Variants in NDRG1 observed in about 807,000 individuals in gnomAD.
NDRG1 encodes N-myc downstream regulated 1.
A neutral mutation model predicts 56.9 loss-of-function variants in NDRG1; 32 were observed. That is an observed-to-expected ratio of 0.56 (90% confidence interval 0.42 to 0.76). NDRG1 has a LOEUF of 0.76. Ranked by LOEUF, NDRG1 falls within the 30% of genes least tolerant of loss-of-function variation. NDRG1 has a pLI of 0.00. For missense variants in NDRG1, 507 were observed against 545.7 expected, an observed-to-expected ratio of 0.93 and a Z score of 0.71; for synonymous variants, 211 against 204.1, an observed-to-expected ratio of 1.03 and a Z score of -0.29.
chr8:133,240,607 T>G lies in NDRG1; in HGVS notation c.943+1416A>C, dbSNP rs1005600166. 6 of 152,368 alleles carry G rather than the reference T, an allele frequency of 3.9e-5. No individual in the cohort carries two copies. The Middle Eastern group carries it at 0.017, about 432-fold the overall frequency. 9.4% of individuals were successfully genotyped at this position (152,368 alleles called of 1,614,324 possible). On this transcript the variant is annotated intron_variant, in intron 15 of 15. Coordinates refer to ENST00000323851, the MANE Select transcript of NDRG1 (RefSeq NM_006096.4). The stretch of plus-strand genomic sequence containing the variant: ...CACCCCGTGGTGTGCAGAAGGCCAG[T>G]GACCGGTTCCTTTCCTTCTCTTTGG...
At chr8:133,262,864 G>T (rs1000341477) in intron 4 of NDRG1, among the ~76,000 whole-genome samples, 18 of 152,102 alleles carry the variant, frequency 1.2e-4, no homozygotes, top group Admixed American at 1.2e-3. Context: ...TCATCTACCT[G>T]CCAGAAGCAC....
intron 10 of NDRG1, 92 bp from the exon 11 acceptor site, chr8:133,248,863 T>C (rs1855849996): frequency 7.0e-7 from 1 of 1,421,994 alleles, no homozygotes; most frequent in African/African-American, 1.4e-5. Context: ...GTCCTGCCAG[T>C]GGCCATTCTG....
chr8:133,295,544 A>C (rs150454494), intron 1 of NDRG1, among the ~76,000 whole-genome samples: 61 of 152,344 alleles, frequency 4.0e-4, no homozygotes, highest in African/African-American at 1.5e-3. Context: ...CCCCACCAGA[A>C]GGCAGCCCTT....
chr8:133,246,286 T>C (rs1855674990), intron 13 of NDRG1, among the ~76,000 whole-genome samples: 1 of 152,188 alleles, frequency 6.6e-6, no homozygotes, highest in African/African-American at 2.4e-5. Context: ...TCTCTTCTTA[T>C]TGTGACAAGC....
intron 12 of NDRG1, 95 bp downstream of exon 12, chr8:133,247,780 A>G: frequency 7.8e-7 from 1 of 1,284,236 alleles, no homozygotes; most frequent in Non-Finnish European, 1.1e-6. Flanking sequence ...CTGATGGGGC[A>G]GAGGAGAGGA....
intron 4 of NDRG1, among the ~76,000 whole-genome samples, chr8:133,264,076 T>A (rs1856789492): frequency 6.6e-6 from 1 of 151,476 alleles, no homozygotes; most frequent in South Asian, 2.1e-4. Flanking sequence ...AGAAGCCAGT[T>A]ACCAAAAAAA....
At position 133,237,323 on chromosome 8, in the gene NDRG1, C is replaced by A. The variant is rs1417809416; in HGVS notation, c.*1555G>T. 4.3e-6 allele frequency: 1 copy of A among 231,952 alleles called. No individual in the cohort carries two copies. Among genetic ancestry groups the A allele is most frequent in the African/African-American group, 2.2e-5 (1 of 45,248 alleles). The allele number at this position is 231,952 out of a possible 1,614,324, so 14.4% of individuals were successfully genotyped here. On this transcript the variant is annotated 3_prime_UTR_variant, in exon 16 of 16. Coordinates refer to ENST00000323851, the MANE Select transcript of NDRG1 (RefSeq NM_006096.4). ...CTTTTCTACTCAAGGCCAGGGAAGG[C>A]CTCCAAGGTGATGGGCGGCAGGTAA...
intron 3 of NDRG1, among the ~76,000 whole-genome samples, chr8:133,278,524 G>A (rs535437601): frequency 1.4e-4 from 22 of 152,202 alleles, no homozygotes; most frequent in Non-Finnish European, 2.2e-4. Flanking sequence ...GGGCATGGGA[G>A]AAGCCTGGAC....
intron 9 of NDRG1, among the ~76,000 whole-genome samples, chr8:133,253,810 T>C (rs1209482912): frequency 1.3e-5 from 2 of 152,200 alleles, no homozygotes; most frequent in East Asian, 3.8e-4. Flanking sequence ...GCAATCCTCC[T>C]GCCTCAGCCT....
chr8:133,271,938 A>G (rs1042970509), intron 3 of NDRG1, among the ~76,000 whole-genome samples: 1 of 152,190 alleles, frequency 6.6e-6, no homozygotes, highest in African/African-American at 2.4e-5. Context: ...CCTGTGCTAT[A>G]TCATGACAGC....
intron 3 of NDRG1, among the ~76,000 whole-genome samples, chr8:133,268,846 A>G (rs1269911319): frequency 2.7e-5 from 4 of 148,450 alleles, no homozygotes; most frequent in Non-Finnish European, 5.9e-5. Context: ...CCCTGTACCC[A>G]AGTCCCATCC....
At chr8:133,258,554 T>C in intron 6 of NDRG1, 128 bp from the exon 7 acceptor site, 1 of 871,308 alleles carries the variant, frequency 1.1e-6, no homozygotes, top group Admixed American at 2.0e-5. Context: ...CGTAACTGCC[T>C]GCACAGCTCT....
chr8:133,293,356 T>C (rs3802251), intron 1 of NDRG1, among the ~76,000 whole-genome samples: 37,959 of 152,088 alleles, frequency 0.25, 5,192 homozygotes, highest in East Asian at 0.4. Flanking sequence ...AAGCTCCTTC[T>C]CAAAAGGTGG....
intron 1 of NDRG1, among the ~76,000 whole-genome samples, chr8:133,292,036 A>C (rs1858458341): frequency 6.6e-6 from 1 of 152,056 alleles, no homozygotes; most frequent in African/African-American, 2.4e-5. Flanking sequence ...TTCTCAGTGG[A>C]GTTTTGGCAG....
chr8:133,252,527 G>A (rs188181927), intron 9 of NDRG1, among the ~76,000 whole-genome samples: 4 of 152,022 alleles, frequency 2.6e-5, no homozygotes, highest in East Asian at 1.9e-4. Context: ...TGGTACACTC[G>A]CCAACTCCAG....
chr8:133,282,376 G>A (rs1857859265), intron 2 of NDRG1, among the ~76,000 whole-genome samples: 1 of 152,184 alleles, frequency 6.6e-6, no homozygotes, highest in South Asian at 2.1e-4. Context: ...TGGGCACTGG[G>A]CAAATACATG....
chr8:133,241,280 G>C (rs542204127), intron 15 of NDRG1: 1 of 153,422 alleles, frequency 6.5e-6, no homozygotes, highest in South Asian at 2.1e-4. Flanking sequence ...GTTCAGCCGA[G>C]TTACAACTCG....
At chr8:133,282,226 G>A (rs774550256) in intron 2 of NDRG1, among the ~76,000 whole-genome samples, 2 of 152,170 alleles carry the variant, frequency 1.3e-5, no homozygotes, top group Non-Finnish European at 2.9e-5. Context: ...TGGACCCAGC[G>A]ATGCCACTTC....
At chr8:133,274,514 T>C (rs538033039) in intron 3 of NDRG1, among the ~76,000 whole-genome samples, 193 of 152,302 alleles carry the variant, frequency 1.3e-3, no homozygotes, top group African/African-American at 4.5e-3. Flanking sequence ...GGGCAAGAAC[T>C]GCCCAGGAGG....
Sources: gnomAD v4.1 joint callset for allele counts (sites outside exome capture counted in the v4.1 genomes callset) on GRCh38, gnomAD v4.1.1 for gene constraint, MANE v1.5 for transcripts, NCBI Gene and HGNC (gene_info 2026-07-23, HGNC 2026-07-21) for gene names.